Variants in ZNF804A observed in about 807,000 individuals in gnomAD.
The protein encoded by ZNF804A is zinc finger protein 804A.
Under a neutral mutation model 16.5 loss-of-function variants are expected in ZNF804A, and 2 were observed. The ratio of observed to expected loss-of-function variants is 0.12; its 90% CI spans 0.05 to 0.38. The LOEUF (loss-of-function observed/expected upper bound fraction) is 0.38, where lower values mean the gene tolerates loss of function less well. Among genes scored for constraint, ZNF804A ranks in the 10% least tolerant of loss-of-function variants. The pLI is 0.99. For synonymous variants in ZNF804A, 534 were observed against 489.6 expected, an observed-to-expected ratio of 1.09 and a Z score of -1.20; for missense variants, 1,473 against 1,390.7, an observed-to-expected ratio of 1.06 and a Z score of -0.94.
intron 1 of ZNF804A, among the ~76,000 whole-genome samples, chr2:184,738,360 A>C (rs1317796557): frequency 6.6e-6 from 1 of 152,140 alleles, no homozygotes; most frequent in Non-Finnish European, 1.5e-5. Context: ...CTTAAAAAAA[A>C]CATGGACAAT....
chr2:184,661,378 G>A (rs1022694226), intron 1 of ZNF804A, among the ~76,000 whole-genome samples: 3 of 152,194 alleles, frequency 2.0e-5, no homozygotes, highest in African/African-American at 7.2e-5. Context: ...GCTGCCCATA[G>A]CTGGGTGAGT....
chr2:184,895,202 G>A (rs915090946), intron 2 of ZNF804A, among the ~76,000 whole-genome samples: 1 of 152,036 alleles, frequency 6.6e-6, no homozygotes, highest in African/African-American at 2.4e-5. Flanking sequence ...GCTCGTGTGT[G>A]TGTGTGTTTG....
intron 1 of ZNF804A, among the ~76,000 whole-genome samples, chr2:184,691,475 TTTTA>T (rs2105725527): frequency 6.6e-6 from 1 of 151,752 alleles, no homozygotes; most frequent in Non-Finnish European, 1.5e-5. Flanking sequence ...ACTATTTTAT[TTTTA>T]TTTATGAAAT....
At chr2:184,797,124 T>C (rs1694641592) in intron 1 of ZNF804A, among the ~76,000 whole-genome samples, 1 of 152,166 alleles carries the variant, frequency 6.6e-6, no homozygotes, top group Non-Finnish European at 1.5e-5. Flanking sequence ...AAATGTTCTG[T>C]ATGTATCTGA....
At chr2:184,662,133 A>T (rs1453901705) in intron 1 of ZNF804A, among the ~76,000 whole-genome samples, 1 of 152,180 alleles carries the variant, frequency 6.6e-6, no homozygotes, top group East Asian at 1.9e-4. Context: ...TAAATGGCTT[A>T]CCAAAAATCC....
intron 1 of ZNF804A, among the ~76,000 whole-genome samples, chr2:184,619,858 A>C (rs184264337): frequency 6.6e-5 from 10 of 151,918 alleles, no homozygotes; most frequent in African/African-American, 2.2e-4. Context: ...TTAATTATAT[A>C]ATTCAAACTA....
intron 1 of ZNF804A, among the ~76,000 whole-genome samples, chr2:184,640,143 T>C (rs978869977): frequency 2.0e-5 from 3 of 151,882 alleles, no homozygotes; most frequent in African/African-American, 7.3e-5. Flanking sequence ...ATTATGATTC[T>C]AGGCAGGGGA....
At chr2:184,875,666 ATTCT>A (rs1696043627) in intron 2 of ZNF804A, among the ~76,000 whole-genome samples, 1 of 152,042 alleles carries the variant, frequency 6.6e-6, no homozygotes, top group Admixed American at 6.6e-5. Context: ...TATGTACTTA[ATTCT>A]CAATTTCAAA....
intron 1 of ZNF804A, among the ~76,000 whole-genome samples, chr2:184,715,458 C>G (rs1208865972): frequency 6.6e-6 from 1 of 152,152 alleles, no homozygotes; most frequent in African/African-American, 2.4e-5. Context: ...GATCATGGCT[C>G]TCACTGTTAC....
chr2:184,646,975 C>T (rs1418770576), intron 1 of ZNF804A, among the ~76,000 whole-genome samples: 4 of 152,164 alleles, frequency 2.6e-5, no homozygotes, highest in African/African-American at 4.8e-5. Context: ...CCTGAGGTAA[C>T]GTAGACAATC....
chr2:184,863,459 G>A (rs1173834472), intron 1 of ZNF804A, among the ~76,000 whole-genome samples: 4 of 151,720 alleles, frequency 2.6e-5, no homozygotes, highest in Admixed American at 6.6e-5. Flanking sequence ...AATGCAATTT[G>A]ACCAAGAAGT....
chr2:184,813,998 T>TTA (rs1694939214), intron 1 of ZNF804A, among the ~76,000 whole-genome samples: 1 of 125,544 alleles, frequency 8.0e-6, no homozygotes, highest in African/African-American at 3.0e-5. Flanking sequence ...GGCAGCTTTT[T>TTA]TTTTTTTTTT....
At chr2:184,687,428 C>T (rs536413228) in intron 1 of ZNF804A, among the ~76,000 whole-genome samples, 23 of 152,256 alleles carry the variant, frequency 1.5e-4, no homozygotes, top group Admixed American at 1.3e-3. Flanking sequence ...TGGGTCAGAT[C>T]AGTACAACAT....
intron 1 of ZNF804A, among the ~76,000 whole-genome samples, chr2:184,604,024 C>T (rs1172244126): frequency 6.6e-6 from 1 of 151,814 alleles, no homozygotes; most frequent in Non-Finnish European, 1.5e-5. Context: ...ATGATTACCA[C>T]ATACTTTTGT....
intron 1 of ZNF804A, among the ~76,000 whole-genome samples, chr2:184,693,659 TA>T (rs1331409028): frequency 1.3e-5 from 2 of 152,172 alleles, no homozygotes; most frequent in East Asian, 3.9e-4. Context: ...TAAATCCACT[TA>T]AAAAGATAAT....
intron 2 of ZNF804A, among the ~76,000 whole-genome samples, chr2:184,930,029 C>T (rs1685670809): frequency 1.3e-5 from 2 of 152,160 alleles, no homozygotes; most frequent in African/African-American, 4.8e-5. Flanking sequence ...ACAACACTTG[C>T]CCACATATAC....
chr2:184,878,080 T>C (rs920722571), intron 2 of ZNF804A, among the ~76,000 whole-genome samples: 1 of 152,214 alleles, frequency 6.6e-6, no homozygotes, highest in Non-Finnish European at 1.5e-5. Flanking sequence ...CAATCTCAAT[T>C]TGACAGCAGA....
At position 184,935,631 on chromosome 2, in the gene ZNF804A, G is replaced by A. The variant is rs1033676979; in HGVS notation, c.387-152G>A. 30 of 774,404 alleles carry A rather than the reference G, an allele frequency of 3.9e-5. No homozygotes were observed. The African/African-American group carries it at 4.8e-4, about 12-fold the overall frequency. The allele number at this position is 774,404 out of a possible 1,614,324, so 48.0% of individuals were successfully genotyped here. A position where few individuals can be genotyped will look rare whatever the true frequency, so the allele number is the denominator to read the frequency against. On this transcript the variant is annotated intron_variant, in intron 3 of 3. Coordinates refer to ENST00000302277, the MANE Select transcript of ZNF804A (RefSeq NM_194250.2). ...CAAGTAAATGATATTGTGGCACCAT[G>A]GAAAGTACTTACACCATATGAAGGC... is the stretch of plus-strand genomic sequence containing the variant.
intron 2 of ZNF804A, among the ~76,000 whole-genome samples, chr2:184,907,963 G>A (rs1685302492): frequency 6.6e-6 from 1 of 151,968 alleles, no homozygotes; most frequent in South Asian, 2.1e-4. Flanking sequence ...GATAAATATT[G>A]ACACTTAAAC....
Sources: allele counts gnomAD v4.1 joint callset (sites outside exome capture counted in the v4.1 genomes callset), GRCh38; gene constraint gnomAD v4.1.1; transcripts MANE v1.5; gene names NCBI Gene and HGNC (gene_info 2026-07-23, HGNC 2026-07-21).